The following ANXA13 variants were observed in gnomAD, a reference collection of about 807,000 sequenced individuals.
ANXA13 encodes the protein annexin XIII.
ANXA13 carries 36 observed loss-of-function variants against 46.6 expected under a neutral mutation model. That is an observed-to-expected ratio of 0.77 (90% CI 0.59 to 1.02). ANXA13 has a LOEUF of 1.02. Ranked by LOEUF, ANXA13 falls within the 50% of genes least tolerant of loss-of-function variation. The probability of loss-of-function intolerance (pLI) is 0.00; values close to 1 mark genes in which losing one functional copy is unlikely to be tolerated. For missense variants in ANXA13, 417 were observed against 396.5 expected (o/e 1.05, Z -0.44); for synonymous variants, 163 against 152.9 (o/e 1.07, Z -0.49).
intron 1 of ANXA13, chr8:123,735,974 GCTGTGAA>G (rs1254902200): frequency 6.8e-5 from 91 of 1,340,882 alleles, no homozygotes; most frequent in Non-Finnish European, 8.9e-5. Context: ...ATCCTCCTAA[GCTGTGAA>G]TGCAGGGTCC....
chr8:123,688,487 GC>G (rs954956166), intron 9 of ANXA13, among the ~76,000 whole-genome samples: 14 of 152,140 alleles, frequency 9.2e-5, no homozygotes, highest in African/African-American at 3.4e-4. Flanking sequence ...GCTGTGGTGT[GC>G]CACTCAGATG....
chr8:123,715,550 A>T (rs1813743284), intron 1 of ANXA13, among the ~76,000 whole-genome samples: 1 of 152,220 alleles, frequency 6.6e-6, no homozygotes, highest in South Asian at 2.1e-4. Flanking sequence ...CCACTTGACA[A>T]CTAATGCGCT....
intron 1 of ANXA13, among the ~76,000 whole-genome samples, chr8:123,718,632 A>T (rs1373599637): frequency 6.6e-6 from 1 of 152,162 alleles, no homozygotes; most frequent in Non-Finnish European, 1.5e-5. Context: ...GGGGACTTCC[A>T]CTTTGGTTTT....
intron 1 of ANXA13, among the ~76,000 whole-genome samples, chr8:123,733,791 G>T (rs112322084): frequency 6.6e-6 from 1 of 152,138 alleles, no homozygotes; most frequent in Non-Finnish European, 1.5e-5. Flanking sequence ...ACCCTGATGC[G>T]CAGGACAACC....
intron 1 of ANXA13, among the ~76,000 whole-genome samples, chr8:123,715,341 T>C (rs1055131538): frequency 5.9e-5 from 9 of 152,366 alleles, no homozygotes; most frequent in Admixed American, 2.0e-4. Context: ...GAGCTGGTCC[T>C]CTAAGTGTGG....
At chr8:123,716,242 C>T (rs1048628344) in intron 1 of ANXA13, among the ~76,000 whole-genome samples, 16 of 152,244 alleles carry the variant, frequency 1.1e-4, no homozygotes, top group African/African-American at 3.4e-4. Context: ...TGTGCCACCA[C>T]GCCTGGCTAA....
chr8:123,695,420 G>T lies in ANXA13; in HGVS notation c.471+82C>A, dbSNP rs529956514. ...ATATAAGAAAGAAATGTTTATCTACGTTACCCTTTTTCATCATGGTGCCAT... is the reference window on the plus strand; with the variant it reads ...ATATAAGAAAGAAATGTTTATCTACTTTACCCTTTTTCATCATGGTGCCAT... On this transcript the variant is annotated intron_variant, in intron 6 of 10. Transcript: ENST00000419625. 9.7e-6 allele frequency: 10 copies of T among 1,031,260 alleles called. No homozygotes were observed. In the East Asian group the frequency reaches 1.9e-4, roughly 20 times the overall value. The allele number at this position is 1,031,260 out of a possible 1,614,324, so 63.9% of individuals were successfully genotyped here.
chr8:123,688,615 C>T (rs993905889), intron 9 of ANXA13, among the ~76,000 whole-genome samples: 10 of 152,162 alleles, frequency 6.6e-5, no homozygotes, highest in African/African-American at 2.4e-4. Flanking sequence ...GCCAGTGTTA[C>T]ATGACTGTTT....
chr8:123,725,425 T>C (rs1813964494), intron 1 of ANXA13, among the ~76,000 whole-genome samples: 1 of 152,230 alleles, frequency 6.6e-6, no homozygotes, highest in Non-Finnish European at 1.5e-5. Context: ...CAGAACAATG[T>C]TCTTTTACCT....
chr8:123,731,390 T>C (rs1191362982), intron 1 of ANXA13, among the ~76,000 whole-genome samples: 1 of 152,220 alleles, frequency 6.6e-6, no homozygotes, highest in African/African-American at 2.4e-5. Context: ...GAACTCCAAC[T>C]GGGCAAAACA....
intron 4 of ANXA13, 29 bp downstream of exon 4, chr8:123,698,360 G>T: frequency 6.2e-7 from 1 of 1,609,508 alleles, no homozygotes; most frequent in Non-Finnish European, 8.5e-7. Context: ...GGTGTGTGAT[G>T]CTCCCTTGCG....
At chr8:123,735,812 T>C (rs752646367) in intron 1 of ANXA13, 2 of 1,612,774 alleles carry the variant, frequency 1.2e-6, no homozygotes, top group East Asian at 4.5e-5. Context: ...GCTGCACGAC[T>C]GTCGAGGGTT....
intron 1 of ANXA13, among the ~76,000 whole-genome samples, chr8:123,727,079 A>C (rs1814014109): frequency 6.6e-6 from 1 of 152,190 alleles, no homozygotes; most frequent in Non-Finnish European, 1.5e-5. Context: ...GTAAGGAATA[A>C]AAAACTACAA....
intron 1 of ANXA13, among the ~76,000 whole-genome samples, chr8:123,732,668 G>A (rs1180302006): frequency 6.8e-6 from 1 of 146,986 alleles, no homozygotes; most frequent in Non-Finnish European, 1.5e-5. Flanking sequence ...ACAATGGCTG[G>A]TTTGTTTTTT....
chr8:123,693,594 A>G (rs1813280105), intron 7 of ANXA13, 117 bp downstream of exon 7: 3 of 891,454 alleles, frequency 3.4e-6, no homozygotes, highest in Non-Finnish European at 1.7e-6. Context: ...ATCTAAGCAT[A>G]TCTTTGTTTC....
intron 1 of ANXA13, among the ~76,000 whole-genome samples, chr8:123,725,805 C>G (rs548955879): frequency 2.0e-5 from 3 of 152,282 alleles, no homozygotes; most frequent in South Asian, 2.1e-4. Flanking sequence ...TAAAAGCAAG[C>G]CAATTCCTTC....
chr8:123,713,972 G>T (rs1813710476), intron 1 of ANXA13, among the ~76,000 whole-genome samples: 1 of 152,200 alleles, frequency 6.6e-6, no homozygotes, highest in African/African-American at 2.4e-5. Context: ...GGGATTACAG[G>T]TGTGAGCCAC....
chr8:123,705,251 G>A (rs541498474), intron 2 of ANXA13, among the ~76,000 whole-genome samples: 1 of 152,168 alleles, frequency 6.6e-6, no homozygotes, highest in South Asian at 2.1e-4. Context: ...AGTGTTTTTA[G>A]CCTTCACCCC....
chr8:123,729,589 T>C (rs1475420341), intron 1 of ANXA13, among the ~76,000 whole-genome samples: 1 of 152,188 alleles, frequency 6.6e-6, no homozygotes, highest in Non-Finnish European at 1.5e-5. Flanking sequence ...TGTGACTATC[T>C]TGAGAGATCA....
Sources: allele counts gnomAD v4.1 joint callset (sites outside exome capture counted in the v4.1 genomes callset), GRCh38; gene constraint gnomAD v4.1.1; transcripts MANE v1.5; gene names NCBI Gene and HGNC (gene_info 2026-07-23, HGNC 2026-07-21).